PRKCB: variants seen among roughly 807,000 people sequenced by gnomAD.
PRKCB encodes protein kinase C beta.
A neutral mutation model predicts 81.5 loss-of-function variants in PRKCB; 13 were observed. That is an observed-to-expected ratio of 0.16 (90% CI 0.10 to 0.25). The LOEUF (loss-of-function observed/expected upper bound fraction) is 0.25, where lower values mean the gene tolerates loss of function less well. PRKCB is among the 10% of genes least tolerant of loss of function. PRKCB has a pLI of 1.00. For missense variants in PRKCB, 509 were observed against 875.7 expected (o/e 0.58, Z 5.29); for synonymous variants, 335 against 321.4 (o/e 1.04, Z -0.45).
intron 2 of PRKCB, among the ~76,000 whole-genome samples, chr16:23,982,453 T>C (rs7202520): frequency 0.67 from 100,978 of 150,064 alleles, 35,160 homozygotes; most frequent in African/African-American, 0.85. Flanking sequence ...CAGGGTCTCA[T>C]TCTGTTGCCC....
intron 5 of PRKCB, among the ~76,000 whole-genome samples, chr16:24,078,625 C>T (rs1966210332): frequency 1.3e-5 from 2 of 152,180 alleles, no homozygotes; most frequent in Non-Finnish European, 2.9e-5. Flanking sequence ...AGTAAAGTAG[C>T]AAGTGCTGCA....
chr16:23,901,609 G>A (rs1018933817), intron 2 of PRKCB, among the ~76,000 whole-genome samples: 1 of 152,150 alleles, frequency 6.6e-6, no homozygotes, highest in East Asian at 1.9e-4. Context: ...TGTCAAGTAG[G>A]AATGAAATGG....
intron 9 of PRKCB, among the ~76,000 whole-genome samples, chr16:24,146,990 C>T (rs1443144564): frequency 1.3e-5 from 2 of 152,148 alleles, no homozygotes; most frequent in African/African-American, 4.8e-5. Context: ...TACTTTTCTG[C>T]TCTTTTCCTC....
At chr16:24,103,149 A>G (rs1041768435) in intron 7 of PRKCB, among the ~76,000 whole-genome samples, 2 of 152,218 alleles carry the variant, frequency 1.3e-5, no homozygotes, top group East Asian at 3.8e-4. Flanking sequence ...TTGGGATTAC[A>G]GGTGTGAACC....
chr16:24,182,123 A>G (rs1001143664), intron 13 of PRKCB, among the ~76,000 whole-genome samples: 1 of 152,168 alleles, frequency 6.6e-6, no homozygotes, highest in Non-Finnish European at 1.5e-5. Context: ...AATTAATTAG[A>G]TAGGACACAA....
At chr16:24,061,720 A>C (rs773767828) in intron 5 of PRKCB, among the ~76,000 whole-genome samples, 8 of 152,100 alleles carry the variant, frequency 5.3e-5, no homozygotes, top group Non-Finnish European at 1.0e-4. Flanking sequence ...TCCAAAATTG[A>C]TTTTTATTTC....
rs869265824 is a variant in PRKCB, at chr16:24,219,655, AACACACACACACACACACACAC to A, written c.*4866_*4887del. On this transcript the variant is annotated 3_prime_UTR_variant, in exon 17 of 17. Transcript: ENST00000643927. ...ATCCTAAAGCCAAAGAAAATACAGC[AACACACACACACACACACACAC>A]ACACACACACACACACACACACACA... 48 of 742,612 alleles carry A rather than the reference AACACACACACACACACACACAC, an allele frequency of 6.5e-5. No homozygotes were observed. The Admixed American group carries it at 2.8e-3, about 44-fold the overall frequency. 46.0% of individuals were successfully genotyped at this position (742,612 alleles called of 1,614,324 possible).
At chr16:24,088,568 A>T in intron 5 of PRKCB, among the ~76,000 whole-genome samples, 1 of 152,026 alleles carries the variant, frequency 6.6e-6, no homozygotes, top group East Asian at 1.9e-4. Context: ...CTCTACAAAA[A>T]TTTTTTAAAA....
At chr16:23,842,493 C>A (rs1299294438) in intron 2 of PRKCB, among the ~76,000 whole-genome samples, 1 of 152,162 alleles carries the variant, frequency 6.6e-6, no homozygotes, top group Admixed American at 6.5e-5. Flanking sequence ...GGGTATATTT[C>A]TTCCTGGGTA....
At chr16:23,841,223 G>A (rs1490849474) in intron 2 of PRKCB, among the ~76,000 whole-genome samples, 1 of 152,028 alleles carries the variant, frequency 6.6e-6, no homozygotes, top group Non-Finnish European at 1.5e-5. Flanking sequence ...GGGATTACGG[G>A]GGCCTGCCAC....
intron 2 of PRKCB, among the ~76,000 whole-genome samples, chr16:23,973,832 C>T (rs9939419): frequency 0.051 from 7,778 of 152,014 alleles, 559 homozygotes; most frequent in African/African-American, 0.16. Flanking sequence ...CACCTTGCCC[C>T]GCTACTGTTT....
In PRKCB at chr16:24,089,049, A is replaced by C. The variant is rs1457041758; in HGVS notation, c.530-3742A>C. 6.6e-5 allele frequency among the ~76,000 whole-genome samples: 10 copies of C among 152,220 alleles called. 1 individual carries two copies. The highest frequency in any genetic ancestry group is 6.5e-4 in the Admixed American group (10 of 15,284). The stretch of plus-strand genomic sequence containing the variant: ...CACTATGTGATAGATGTGTCACTCC[A>C]AGATCCCAGCCTAGAAACTGGTACA... On this transcript the variant is annotated intron_variant, in intron 5 of 16. Coordinates refer to ENST00000643927, the MANE Select transcript of PRKCB (RefSeq NM_002738.7).
At chr16:23,876,539 C>T (rs975156081) in intron 2 of PRKCB, among the ~76,000 whole-genome samples, 4 of 151,790 alleles carry the variant, frequency 2.6e-5, no homozygotes, top group Admixed American at 1.3e-4. Context: ...TCTCCTTATG[C>T]TGGTTCTTTT....
At chr16:23,867,020 C>T (rs1055103765) in intron 2 of PRKCB, among the ~76,000 whole-genome samples, 1 of 87,868 alleles carries the variant, frequency 1.1e-5, no homozygotes, top group Non-Finnish European at 2.3e-5. Flanking sequence ...TTCCTTCCTT[C>T]CTTCCTTCCT....
intron 16 of PRKCB, among the ~76,000 whole-genome samples, chr16:24,211,925 T>G (rs543614837): frequency 2.0e-5 from 3 of 152,152 alleles, no homozygotes; most frequent in Non-Finnish European, 4.4e-5. Flanking sequence ...CCTAAGTCCC[T>G]TGCATGCACA....
intron 5 of PRKCB, among the ~76,000 whole-genome samples, chr16:24,082,745 A>C (rs565683472): frequency 6.6e-6 from 1 of 152,168 alleles, no homozygotes; most frequent in East Asian, 1.9e-4. Context: ...AAGGTATAAA[A>C]TTTCAGAAAA....
At chr16:24,068,231 T>C (rs1326869268) in intron 5 of PRKCB, among the ~76,000 whole-genome samples, 2 of 152,162 alleles carry the variant, frequency 1.3e-5, no homozygotes, top group Non-Finnish European at 2.9e-5. Flanking sequence ...GTTTTGTGTC[T>C]CAACCTCTGC....
chr16:24,209,901 C>T (rs990842222), intron 16 of PRKCB, among the ~76,000 whole-genome samples: 19 of 151,602 alleles, frequency 1.3e-4, no homozygotes, highest in East Asian at 5.8e-4. Flanking sequence ...GATAGGAGTT[C>T]GAGACCAGCC....
chr16:23,856,793 G>A (rs1311128076), intron 2 of PRKCB, among the ~76,000 whole-genome samples: 1 of 152,124 alleles, frequency 6.6e-6, no homozygotes, highest in African/African-American at 2.4e-5. Flanking sequence ...CCAAAGTACT[G>A]GGATTATAGG....
Sources: gnomAD v4.1 joint callset for allele counts (sites outside exome capture counted in the v4.1 genomes callset) on GRCh38, gnomAD v4.1.1 for gene constraint, MANE v1.5 for transcripts, NCBI Gene and HGNC (gene_info 2026-07-23, HGNC 2026-07-21) for gene names.